PGAP4: variants seen among roughly 807,000 people sequenced by gnomAD.
PGAP4 encodes the protein GPI-N-acetylgalactosamine transferase PGAP4.
In PGAP4, 12 loss-of-function variants were observed where a neutral mutation model predicts 28.2. The ratio of observed to expected loss-of-function variants is 0.42; its 90% CI spans 0.27 to 0.69. PGAP4 has a LOEUF of 0.69. PGAP4 is among the 30% of genes least tolerant of loss of function. PGAP4 has a pLI of 0.22. For missense variants in PGAP4, 425 were observed against 513.5 expected, an observed-to-expected ratio of 0.83 and a Z score of 1.67; for synonymous variants, 205 against 211.8, an observed-to-expected ratio of 0.97 and a Z score of 0.28.
At chr9:101,480,621 G>A (rs1251585162) in intron 1 of PGAP4, 1 of 152,066 alleles carries the variant, frequency 6.6e-6, no homozygotes, top group Admixed American at 6.5e-5. Context: ...GGCAGAAAAT[G>A]TACTCCAGGG....
intron 2 of PGAP4, among the ~76,000 whole-genome samples, chr9:101,500,544 A>C (rs549576333): frequency 1.4e-5 from 2 of 141,510 alleles, no homozygotes; most frequent in East Asian, 4.2e-4. Context: ...TTTTTTTTTT[A>C]CTATGTATGG....
chr9:101,510,771 G>A (rs528226540), intron 2 of PGAP4, among the ~76,000 whole-genome samples: 5 of 152,272 alleles, frequency 3.3e-5, no homozygotes, highest in South Asian at 2.1e-4. Flanking sequence ...ACGGACAGCA[G>A]TGATGAATAA....
chr9:101,475,861 G>T lies in PGAP4; in HGVS notation c.*20C>A. On this transcript the variant is annotated 3_prime_UTR_variant, in exon 2 of 2. Coordinates refer to ENST00000374848, the MANE Select transcript of PGAP4 (RefSeq NM_032342.3). ...AATCTTCAAGAAGTGGCCAACTTCA[G>T]AAAGGCATCTCTTGGCACCCTAGAG... 20 of 1,597,370 alleles carry T rather than the reference G, an allele frequency of 1.3e-5. No homozygotes were observed. Among genetic ancestry groups the T allele is most frequent in the Non-Finnish European group, 1.7e-5 (20 of 1,172,802 alleles).
rs547644601 is a variant in PGAP4 at position 101,475,985 on chromosome 9, A to G, written c.1108T>C (p.Leu370=). The change falls in exon 2 of 2, where the codon TTG becomes CTG. Residue 370 remains leucine (L), a synonymous_variant. Coordinates refer to ENST00000374848, the MANE Select transcript of PGAP4 (RefSeq NM_032342.3). Reference sequence around the variant, plus strand: ...TAGGCCCTCTCTCCCTTGGCCCTCAACAGCGAGTACAGTGCCATGTCCTTG... The same window carrying G: ...TAGGCCCTCTCTCCCTTGGCCCTCAGCAGCGAGTACAGTGCCATGTCCTTG... ...FGKDMALYSL[L]RAKGERAYVV... 4.3e-6 allele frequency: 7 copies of G among 1,614,180 alleles called. No homozygotes were observed. The East Asian group carries it at 6.7e-5, about 15-fold the overall frequency.
chr9:101,523,619 C>CTTTTTTTTT lies in PGAP4; in HGVS notation c.-165+7720_-165+7728dup, dbSNP rs71356369. Among the ~76,000 whole-genome samples, 60 of 59,312 alleles carry CTTTTTTTTT rather than the reference C, an allele frequency of 1.0e-3. 6 individuals are homozygous for CTTTTTTTTT. The highest frequency in any genetic ancestry group is 2.3e-3 in the African/African-American group (33 of 14,106). The allele number at this position is 59,312 out of a possible 152,430, so 38.9% of individuals were successfully genotyped here. ...ACATTTCTCCCCTCACTTCTTGTAT[C>CTTTTTTTTT]TTTTTTTTTTTTTTTTTTTTTTTTT... On this transcript the variant is annotated intron_variant, in intron 2 of 3. Coordinates refer to the PGAP4 transcript ENST00000374851.
chr9:101,500,794 CA>C (rs1826790679), intron 2 of PGAP4, among the ~76,000 whole-genome samples: 1 of 151,934 alleles, frequency 6.6e-6, no homozygotes, highest in Non-Finnish European at 1.5e-5. Context: ...TCTGGTTTGG[CA>C]AACTGATGAA....
intron 2 of PGAP4, among the ~76,000 whole-genome samples, chr9:101,517,498 T>G (rs945747054): frequency 6.6e-6 from 1 of 152,092 alleles, no homozygotes; most frequent in Non-Finnish European, 1.5e-5. Context: ...AAATAAGATA[T>G]CAAGTTTTAA....
rs372713797 is a variant in PGAP4 at position 101,477,055 on chromosome 9, C to T, written c.38G>A (p.Arg13Gln). Residue 13 changes from arginine (R) to glutamine (Q), a missense_variant, in exon 2 of 2, where the codon CGG becomes CAG. Arg to Gln is a conservative substitution (Grantham distance 43). Transcript: ENST00000374848. ...TSTSPAAMLL[R>Q]RLRRLSWGST... is the part of the protein sequence containing the mutation. ...GCCCCAGGAGAGTCGCCGCAGCCTC[C>T]GGAGGAGCATGGCAGCTGGAGAGGT... 9.3e-6 allele frequency: 15 copies of T among 1,606,002 alleles called. No individual in the cohort carries two copies. In the Middle Eastern group the frequency reaches 6.0e-4, roughly 64 times the overall value.
intron 2 of PGAP4, among the ~76,000 whole-genome samples, chr9:101,510,786 AC>A (rs1271702043): frequency 2.6e-5 from 4 of 152,148 alleles, no homozygotes; most frequent in Admixed American, 1.3e-4. Flanking sequence ...GAATAAAATA[AC>A]GGGCGGGCCA....
At chr9:101,491,812 G>GATATATATATATAT (rs58209077), upstream of PGAP4, among the ~76,000 whole-genome samples, 13 of 106,256 alleles carry the variant, frequency 1.2e-4, no homozygotes, top group Middle Eastern at 6.0e-3. Flanking sequence ...AATCTTAAAG[G>GATATATATATATAT]ATATATATAT....
chr9:101,502,369 T>C (rs879491263), intron 2 of PGAP4, among the ~76,000 whole-genome samples: 1 of 152,078 alleles, frequency 6.6e-6, no homozygotes, highest in Non-Finnish European at 1.5e-5. Context: ...ATGAAAACTT[T>C]AAATGGATGA....
At chr9:101,517,110 G>A (rs763744836) in intron 2 of PGAP4, among the ~76,000 whole-genome samples, 1 of 152,166 alleles carries the variant, frequency 6.6e-6, no homozygotes, top group Admixed American at 6.6e-5. Flanking sequence ...TGCAGTAACT[G>A]AAATTTGCAT....
In PGAP4 at chr9:101,500,470, G is replaced by A. The variant is rs533362368; in HGVS notation, c.-164-11270C>T. On this transcript the variant is annotated intron_variant, in intron 2 of 3. Transcript: ENST00000374851. ...ACTTGTGACTATAATGGGCCTAGCC[G>A]GATAATCCAGATAATCGCTGCATGT... Among the ~76,000 whole-genome samples the A allele has an allele frequency of 1.1e-4, 17 of 151,668 alleles. No individual in the cohort carries two copies. In the South Asian group the frequency reaches 1.7e-3, roughly 15 times the overall value.
upstream of PGAP4, among the ~76,000 whole-genome samples, chr9:101,491,741 G>A (rs1170678745): frequency 1.5e-5 from 2 of 137,206 alleles, no homozygotes; most frequent in Non-Finnish European, 3.1e-5. Context: ...TTAACTATAT[G>A]TATAAACTCA....
Position 101,476,681 on chromosome 9 carries a change from C to T in PGAP4, c.412G>A (p.Gly138Arg). ...LLQQCGPQCE[G>R]HQLFLCNVER... ...ACGTTGCACAGGAAGAGTTGGTGCC[C>T]CTCGCACTGGGGGCCACATTGCTGA... Residue 138 changes from glycine to arginine, a missense_variant, in exon 2 of 2, where the codon GGG becomes AGG. By Grantham distance (125) the Gly-to-Arg change is moderately radical (BLOSUM62 -2). Transcript: ENST00000374848. The surrounding 1 kb of genome is among the most constrained non-coding windows in gnomAD (Gnocchi z 7.0). The T allele has an allele frequency of 1.9e-6, 3 of 1,614,142 alleles. No homozygotes were observed. Among genetic ancestry groups the T allele is most frequent in the Non-Finnish European group, 1.7e-6 (2 of 1,180,042 alleles).
upstream of PGAP4, among the ~76,000 whole-genome samples, chr9:101,490,193 T>A (rs1289402248): frequency 2.0e-5 from 3 of 152,130 alleles, no homozygotes; most frequent in East Asian, 3.9e-4. Flanking sequence ...ATTTTATTTT[T>A]TTACTTTATT....
intron 1 of PGAP4, among the ~76,000 whole-genome samples, chr9:101,485,451 G>T (rs547760869): frequency 1.3e-5 from 2 of 152,060 alleles, no homozygotes; most frequent in Non-Finnish European, 2.9e-5. Context: ...GAAAATACTC[G>T]CTATAGTGCA....
chr9:101,479,205 T>C (rs901110095), intron 1 of PGAP4, among the ~76,000 whole-genome samples: 2 of 152,218 alleles, frequency 1.3e-5, no homozygotes, highest in Non-Finnish European at 2.9e-5. Context: ...ACAAACCATG[T>C]GGTTGAACGT....
At chr9:101,509,636 C>A (rs907981492) in intron 2 of PGAP4, among the ~76,000 whole-genome samples, 1 of 152,134 alleles carries the variant, frequency 6.6e-6, no homozygotes, top group Non-Finnish European at 1.5e-5. Flanking sequence ...CAGTTAAGGG[C>A]ATGTACTTTG....
Sources: gnomAD v4.1 joint callset for allele counts (sites outside exome capture counted in the v4.1 genomes callset) on GRCh38, gnomAD v4.1.1 for gene constraint, Gnocchi (gnomAD v3.1) non-coding constraint, MANE v1.5 for transcripts, NCBI Gene and HGNC (gene_info 2026-07-23, HGNC 2026-07-21) for gene names.